PCDHA11: variants seen among roughly 807,000 people sequenced by gnomAD.
PCDHA11 encodes the protein protocadherin alpha 11.
A neutral mutation model predicts 70.3 loss-of-function variants in PCDHA11; 61 were observed. The ratio of observed to expected loss-of-function variants is 0.87; its 90% CI spans 0.71 to 1.07. The LOEUF (loss-of-function observed/expected upper bound fraction) is 1.07. PCDHA11 is among the 50% of genes least tolerant of loss of function. The pLI is 0.00. For missense variants in PCDHA11, 1,324 were observed against 1,237.5 expected (o/e 1.07, Z -1.05); for synonymous variants, 633 against 555.1 (o/e 1.14, Z -1.97).
intron 1 of PCDHA11, chr5:140,884,293 GC>G: frequency 6.2e-7 from 1 of 1,613,666 alleles, no homozygotes; most frequent in Non-Finnish European, 8.5e-7. Flanking sequence ...GCGGCCAAGC[GC>G]CACAGGCTTC....
chr5:141,000,423 T>C (rs470406), intron 3 of PCDHA11, among the ~76,000 whole-genome samples: 6 of 66,864 alleles, frequency 9.0e-5, no homozygotes, highest in Non-Finnish European at 1.8e-4. Context: ...ATATATATAT[T>C]TTTTTTTTTT....
chr5:140,893,781 G>C (rs113070458), intron 1 of PCDHA11, among the ~76,000 whole-genome samples: 1 of 151,996 alleles, frequency 6.6e-6, no homozygotes, highest in Non-Finnish European at 1.5e-5. Context: ...TTCTTTTACC[G>C]TTTTTAGAAT....
At chr5:140,969,347 G>C (rs1554231707) in intron 1 of PCDHA11, 1 of 1,613,472 alleles carries the variant, frequency 6.2e-7, no homozygotes, top group South Asian at 1.1e-5. Context: ...ACAGTGGTCA[G>C]GGGGTCTTCT....
rs529382424 is a variant in PCDHA11 at position 140,924,810 on chromosome 5, G to A, written c.2391+53316G>A. 4.8e-4 allele frequency among the ~76,000 whole-genome samples: 73 copies of A among 151,660 alleles called. No homozygotes were observed. The South Asian group carries it at 9.2e-3, about 19-fold the overall frequency. ...CTTAGGAGGCTGAGGCAAGAGAATC[G>A]CTTGAACCTGGGAGGGGGAGGTTGC... On this transcript the variant is annotated intron_variant, in intron 1 of 3. Transcript: ENST00000398640.
At chr5:140,899,405 T>G (rs1369333627) in intron 1 of PCDHA11, among the ~76,000 whole-genome samples, 3 of 152,204 alleles carry the variant, frequency 2.0e-5, no homozygotes, top group Non-Finnish European at 4.4e-5. Flanking sequence ...CATGAAGGGT[T>G]GTTGAATTTT....
At chr5:140,875,504 C>G (rs1554167711) in intron 1 of PCDHA11, 2 of 1,613,462 alleles carry the variant, frequency 1.2e-6, no homozygotes, top group African/African-American at 2.7e-5. Context: ...GGCCCGGGAT[C>G]CCAGCGTCTG....
chr5:140,877,091 C>A, intron 1 of PCDHA11: 1 of 1,613,252 alleles, frequency 6.2e-7, no homozygotes. Flanking sequence ...GCGCGCGACG[C>A]CGGCGTGCCG....
In PCDHA11 at chr5:140,875,872, A is replaced by C. The variant is rs1554168004; in HGVS notation, c.2391+4378A>C. Reference sequence around the variant, plus strand: ...CATTAACGACAACCCGCCGGTGTTCAGAGAAAGGGAACAAAAGGTACCTGT... The same window carrying C: ...CATTAACGACAACCCGCCGGTGTTCCGAGAAAGGGAACAAAAGGTACCTGT... On this transcript the variant is annotated intron_variant, in intron 1 of 3. Coordinates refer to ENST00000398640, the MANE Select transcript of PCDHA11 (RefSeq NM_018902.5). 1.9e-6 allele frequency: 3 copies of C among 1,614,224 alleles called. No individual in the cohort carries two copies. In the East Asian group the frequency reaches 6.7e-5, roughly 36 times the overall value.
At chr5:140,882,971 G>C in intron 1 of PCDHA11, 1 of 1,614,206 alleles carries the variant, frequency 6.2e-7, no homozygotes, top group Non-Finnish European at 8.5e-7. Flanking sequence ...GATTCTGGAC[G>C]TGAATGACAA....
intron 1 of PCDHA11, among the ~76,000 whole-genome samples, chr5:140,936,658 G>A (rs1385566642): frequency 6.6e-6 from 1 of 152,174 alleles, no homozygotes; most frequent in Non-Finnish European, 1.5e-5. Context: ...TATATATTCT[G>A]TTTCTGGACT....
chr5:140,987,936 T>C lies in PCDHA11; in HGVS notation c.2539+5373T>C, dbSNP rs80117115. Among the ~76,000 whole-genome samples the C allele has an allele frequency of 7.9e-3, 1,205 of 152,348 alleles. 20 individuals are homozygous for C. Among genetic ancestry groups the C allele is most frequent in the African/African-American group, 0.027 (1,136 of 41,570 alleles). On this transcript the variant is annotated intron_variant, in intron 3 of 3. Coordinates refer to ENST00000398640, the MANE Select transcript of PCDHA11 (RefSeq NM_018902.5). ...TATTCTTAATTGTCTCAAGGATTCT[T>C]ACCTGTCTGACAAAACCAACTCCCC...
At position 140,869,787 on chromosome 5, in the gene PCDHA11, G is replaced by A. The variant is rs1554163463; in HGVS notation, c.684G>A (p.Leu228=). 5 of 1,612,888 alleles carry A rather than the reference G, an allele frequency of 3.1e-6. No homozygotes were observed. Among genetic ancestry groups the A allele is most frequent in the Middle Eastern group, 1.6e-4 (1 of 6,062 alleles). Residue 228 remains leucine (L), a synonymous_variant, in exon 1 of 4, where the codon CTG becomes CTA. Transcript: ENST00000398640. ...GKPELTGTVR[L]LVQVLDVNDN... ...CAGAGCTTACTGGCACCGTTCGGCTGTTAGTCCAAGTCTTGGATGTCAACG... is the reference window on the plus strand; with the variant it reads ...CAGAGCTTACTGGCACCGTTCGGCTATTAGTCCAAGTCTTGGATGTCAACG...
intron 1 of PCDHA11, among the ~76,000 whole-genome samples, chr5:140,878,493 C>A (rs1339637878): frequency 6.6e-6 from 1 of 152,008 alleles, no homozygotes; most frequent in Non-Finnish European, 1.5e-5. Context: ...AATATTTAAC[C>A]ATCTGTACGA....
At chr5:141,001,978 A>G (rs1331599524) in intron 3 of PCDHA11, among the ~76,000 whole-genome samples, 1 of 152,166 alleles carries the variant, frequency 6.6e-6, no homozygotes, top group Non-Finnish European at 1.5e-5. Context: ...TCTGCGCGGA[A>G]AGCCTGGAAG....
intron 2 of PCDHA11, among the ~76,000 whole-genome samples, chr5:140,979,661 GTCTC>G (rs2096859733): frequency 6.6e-6 from 1 of 152,146 alleles, no homozygotes; most frequent in South Asian, 2.1e-4. Context: ...TCTCTACTTT[GTCTC>G]TCTGACAGTA....
At chr5:141,001,388 TAC>T (rs1234412755) in intron 3 of PCDHA11, among the ~76,000 whole-genome samples, 4 of 152,238 alleles carry the variant, frequency 2.6e-5, no homozygotes, top group Non-Finnish European at 5.9e-5. Flanking sequence ...CCTAAGATCC[TAC>T]AGAGAACAGG....
chr5:140,928,050 G>A (rs782229340), intron 1 of PCDHA11: 3 of 1,614,180 alleles, frequency 1.9e-6, no homozygotes, highest in Non-Finnish European at 2.5e-6. Flanking sequence ...GCCCTTTTCA[G>A]CTGACGGCTT....
intron 1 of PCDHA11, among the ~76,000 whole-genome samples, chr5:140,894,679 C>A (rs1227870690): frequency 6.6e-6 from 1 of 151,682 alleles, no homozygotes; most frequent in African/African-American, 2.4e-5. Context: ...TCTTGCATAG[C>A]TTTTCATTAT....
At chr5:140,921,615 C>A (rs977929420) in intron 1 of PCDHA11, among the ~76,000 whole-genome samples, 13 of 152,090 alleles carry the variant, frequency 8.5e-5, no homozygotes, top group Non-Finnish European at 1.5e-4. Flanking sequence ...AGAAAAATAT[C>A]ATCAGATCAT....
Sources: gnomAD v4.1 joint callset for allele counts (sites outside exome capture counted in the v4.1 genomes callset) on GRCh38, gnomAD v4.1.1 for gene constraint, MANE v1.5 for transcripts, NCBI Gene and HGNC (gene_info 2026-07-23, HGNC 2026-07-21) for gene names.